Variants in DUSP10 observed in about 807,000 individuals in gnomAD.
The protein encoded by DUSP10 is dual specificity protein phosphatase 10.
Under a neutral mutation model 30.8 loss-of-function variants are expected in DUSP10, and 14 were observed. That is an observed-to-expected ratio of 0.46 (90% confidence interval 0.30 to 0.71). The LOEUF is 0.71. Ranked by LOEUF, DUSP10 falls within the 30% of genes least tolerant of loss-of-function variation. The pLI, the probability that DUSP10 is intolerant of heterozygous loss-of-function variation, is 0.08. For synonymous variants in DUSP10, 254 were observed against 250.4 expected, an observed-to-expected ratio of 1.01 and a Z score of -0.14; for missense variants, 550 against 619.4, an observed-to-expected ratio of 0.89 and a Z score of 1.19.
intron 2 of DUSP10, among the ~76,000 whole-genome samples, chr1:221,716,300 T>A (rs1452047486): frequency 6.6e-6 from 1 of 152,180 alleles, no homozygotes; most frequent in African/African-American, 2.4e-5. Context: ...ATACCATCTT[T>A]AACTCACCCT....
At chr1:221,731,062 A>AT (rs1661575339) in intron 2 of DUSP10, among the ~76,000 whole-genome samples, 1 of 152,082 alleles carries the variant, frequency 6.6e-6, no homozygotes, top group Non-Finnish European at 1.5e-5. Flanking sequence ...CTCTTCCTAT[A>AT]TTTTTCTGAA....
chr1:221,732,389 A>G (rs1406987561), intron 2 of DUSP10, among the ~76,000 whole-genome samples: 1 of 152,250 alleles, frequency 6.6e-6, no homozygotes, highest in Non-Finnish European at 1.5e-5. Context: ...TATTTGGTCC[A>G]TATTCTAATA....
intron 2 of DUSP10, among the ~76,000 whole-genome samples, chr1:221,730,541 G>A (rs1291897033): frequency 6.6e-6 from 1 of 152,138 alleles, no homozygotes; most frequent in African/African-American, 2.4e-5. Flanking sequence ...GGTTGGGGGC[G>A]GTGGCCTGAG....
intron 2 of DUSP10, among the ~76,000 whole-genome samples, chr1:221,721,574 G>T (rs1470242564): frequency 6.6e-6 from 1 of 152,184 alleles, no homozygotes; most frequent in African/African-American, 2.4e-5. Flanking sequence ...GCAATTTACA[G>T]GGGTGCTGGG....
chr1:221,725,829 C>A (rs1040041424), intron 2 of DUSP10, among the ~76,000 whole-genome samples: 2 of 152,228 alleles, frequency 1.3e-5, no homozygotes, highest in African/African-American at 4.8e-5. Context: ...CTACCTCTTG[C>A]TGCTTTTATT....
Position 221,739,387 on chromosome 1 carries a change from T to G in DUSP10, c.358A>C (p.Asn120His), listed in dbSNP as rs1456218159. The change falls in exon 2 of 4, where the codon AAT becomes CAT. Residue 120 changes from asparagine (N) to histidine (H), a missense_variant. Transcript: ENST00000366899. ...CTTAGAGAGCCTGTATTCTCATTAT[T>G]GTTGACCATCTGGTTAGCAGGGCAG... is the stretch of plus-strand genomic sequence containing the variant. ...TTCPANQMVNNNENTGSLSPS... is the reference protein window; with the variant it reads ...TTCPANQMVNHNENTGSLSPS... 12 of 1,614,050 alleles carry G rather than the reference T, an allele frequency of 7.4e-6. No homozygotes were observed. The African/African-American group carries it at 1.6e-4, about 22-fold the overall frequency.
At chr1:221,729,655 T>G (rs1445355634) in intron 2 of DUSP10, among the ~76,000 whole-genome samples, 1 of 152,212 alleles carries the variant, frequency 6.6e-6, no homozygotes, top group East Asian at 1.9e-4. Flanking sequence ...GCTTTTAACT[T>G]GTTTTTCTTC....
At position 221,739,185 on chromosome 1, in the gene DUSP10, T is replaced by C; in HGVS notation, c.560A>G (p.His187Arg). Residue 187 changes from histidine to arginine, a missense_variant, in exon 2 of 4, where the codon CAC (histidine) becomes CGC (arginine). Transcript: ENST00000366899. Reference sequence around the variant, plus strand: ...GTTAATGTGGACAGCTCCTTGGATGTGACTCTTGTTGTACTCCATGAAGGG... The same window carrying C: ...GTTAATGTGGACAGCTCCTTGGATGCGACTCTTGTTGTACTCCATGAAGGG... ...CRPFMEYNKSHIQGAVHINCA... is the reference protein window; with the variant it reads ...CRPFMEYNKSRIQGAVHINCA... The C allele has an allele frequency of 1.2e-6, 2 of 1,614,194 alleles. No individual in the cohort carries two copies. The highest frequency in any genetic ancestry group is 1.7e-6 in the Non-Finnish European group (2 of 1,180,026).
intron 3 of DUSP10, among the ~76,000 whole-genome samples, chr1:221,705,406 C>T (rs1558115459): frequency 1.3e-5 from 2 of 152,098 alleles, no homozygotes; most frequent in Non-Finnish European, 1.5e-5. Context: ...CCACCGCGCC[C>T]GGCGATATTT....
intron 2 of DUSP10, among the ~76,000 whole-genome samples, chr1:221,734,285 C>A: frequency 6.6e-6 from 1 of 152,198 alleles, no homozygotes; most frequent in East Asian, 1.9e-4. Flanking sequence ...TGGATATACC[C>A]AAATTACTCC....
chr1:221,736,830 C>A, intron 2 of DUSP10: 3 of 985,430 alleles, frequency 3.0e-6, no homozygotes, highest in Non-Finnish European at 3.6e-6. Flanking sequence ...CCCAAAACTA[C>A]AAATAATCTA....
intron 3 of DUSP10, among the ~76,000 whole-genome samples, chr1:221,705,541 C>G (rs1039187950): frequency 1.3e-5 from 2 of 152,162 alleles, no homozygotes; most frequent in Admixed American, 1.3e-4. Context: ...GGAACTACTC[C>G]GTCTACACAA....
intron 2 of DUSP10, among the ~76,000 whole-genome samples, chr1:221,721,268 C>G (rs1016242110): frequency 6.6e-6 from 1 of 152,160 alleles, no homozygotes; most frequent in Non-Finnish European, 1.5e-5. Flanking sequence ...TATTGTAAAG[C>G]ATCTATTATA....
rs1571816503 is a variant in DUSP10 at position 221,716,741 on chromosome 1, G to T, written c.812-10275C>A. ...AAGACAGCCAAGTTCCAGCCCCCAT[G>T]TTCCTGAAAACTTGCAAGTTCAGTT... On this transcript the variant is annotated intron_variant, in intron 2 of 3. Coordinates refer to ENST00000366899, the MANE Select transcript of DUSP10 (RefSeq NM_007207.6). 3.3e-5 allele frequency among the ~76,000 whole-genome samples: 5 copies of T among 152,196 alleles called. No individual in the cohort carries two copies. The East Asian group carries it at 9.6e-4, about 29-fold the overall frequency.
Position 221,702,205 on chromosome 1 carries a change from G to T in DUSP10, c.*207C>A, listed in dbSNP as rs769301415. ...ATTACTTCTTTAACCTCCTTAATTT[G>T]TCAGTTTGTGGGAGGTGAATCTCAA... is the stretch of plus-strand genomic sequence containing the variant. On this transcript the variant is annotated 3_prime_UTR_variant, in exon 4 of 4. Transcript: ENST00000366899. This position sits in a 1 kb window ranked among gnomAD's most constrained non-coding sequence, Gnocchi z 4.5. The T allele has an allele frequency of 1.1e-5, 6 of 564,434 alleles. No individual in the cohort carries two copies. The highest frequency in any genetic ancestry group is 9.0e-5 in the East Asian group (3 of 33,252). 35.0% of individuals were successfully genotyped at this position (564,434 alleles called of 1,614,324 possible). A position where few individuals can be genotyped will look rare whatever the true frequency, so the allele number is the denominator to read the frequency against.
chr1:221,740,551 G>T (rs1008826230), intron 1 of DUSP10, among the ~76,000 whole-genome samples: 1 of 152,080 alleles, frequency 6.6e-6, no homozygotes, highest in Non-Finnish European at 1.5e-5. Flanking sequence ...CCCAGCCCCG[G>T]CAAATCCCTC....
chr1:221,731,066 T>C (rs1240784843), intron 2 of DUSP10, among the ~76,000 whole-genome samples: 1 of 152,180 alleles, frequency 6.6e-6, no homozygotes, highest in East Asian at 1.9e-4. Context: ...TCCTATATTT[T>C]TCTGAATGAG....
At chr1:221,709,262 A>C (rs939842817) in intron 2 of DUSP10, among the ~76,000 whole-genome samples, 3 of 152,152 alleles carry the variant, frequency 2.0e-5, no homozygotes, top group Admixed American at 2.0e-4. Flanking sequence ...CTGGGGAGCC[A>C]ATGATGTAAT....
At chr1:221,704,752 T>C (rs1172896916) in intron 3 of DUSP10, among the ~76,000 whole-genome samples, 1 of 152,162 alleles carries the variant, frequency 6.6e-6, no homozygotes, top group African/African-American at 2.4e-5. Flanking sequence ...AAGAAGTCAC[T>C]TTACTTCTCT....
Sources: allele counts gnomAD v4.1 joint callset (sites outside exome capture counted in the v4.1 genomes callset), GRCh38; gene constraint gnomAD v4.1.1; non-coding constraint Gnocchi (gnomAD v3.1); transcripts MANE v1.5; gene names NCBI Gene and HGNC (gene_info 2026-07-23, HGNC 2026-07-21).